The following JAK2 variants were observed in gnomAD, a reference collection of about 807,000 sequenced individuals.
JAK2 encodes Janus kinase 2.
A neutral mutation model predicts 139.3 loss-of-function variants in JAK2; 86 were observed. That is an observed-to-expected ratio of 0.62 (90% CI 0.52 to 0.74). The LOEUF (loss-of-function observed/expected upper bound fraction) is 0.74. JAK2 is among the 30% of genes least tolerant of loss of function. The pLI is 0.00. For synonymous variants in JAK2, 490 were observed against 437.7 expected, an observed-to-expected ratio of 1.12 and a Z score of -1.49; for missense variants, 1,421 against 1,360.3, an observed-to-expected ratio of 1.04 and a Z score of -0.70.
intron 22 of JAK2, among the ~76,000 whole-genome samples, chr9:5,093,057 GTCTAA>G (rs538397807): frequency 4.6e-5 from 7 of 152,030 alleles, no homozygotes; most frequent in Non-Finnish European, 1.0e-4. Context: ...CATTACACTG[GTCTAA>G]TCTATTATTT....
intron 22 of JAK2, chr9:5,111,850 A>C (rs1290904702): frequency 5.0e-6 from 2 of 399,704 alleles, no homozygotes; most frequent in Non-Finnish European, 9.8e-6. Context: ...CGGGGCCGAC[A>C]ACCTCCTGGG....
At position 5,123,020 on chromosome 9, in the gene JAK2, C is replaced by T; in HGVS notation, c.3076C>T (p.Leu1026=). Residue 1026 remains leucine, a synonymous_variant, in exon 23 of 25, where the codon CTG becomes TTG. Transcript: ENST00000381652. ...TATTTACAGGTATGCTCCAGAATCACTGACAGAGAGCAAGTTTTCTGTGGC... is the reference window on the plus strand; with the variant it reads ...TATTTACAGGTATGCTCCAGAATCATTGACAGAGAGCAAGTTTTCTGTGGC... ...SPIFWYAPES[L]TESKFSVASD... 6.2e-7 allele frequency: 1 copy of T among 1,610,360 alleles called. No individual in the cohort carries two copies.
At chr9:5,007,218 C>T (rs1201850331) in intron 2 of JAK2, among the ~76,000 whole-genome samples, 1 of 152,030 alleles carries the variant, frequency 6.6e-6, no homozygotes, top group Non-Finnish European at 1.5e-5. Flanking sequence ...TTCAGCCTTT[C>T]TTCTCGTCTT....
At position 5,055,716 on chromosome 9, in the gene JAK2, T is replaced by G; in HGVS notation, c.984T>G (p.Ile328Met). The change falls in exon 8 of 25, where the codon ATT (isoleucine) becomes ATG (methionine). Residue 328 changes from isoleucine to methionine, a missense_variant. Transcript: ENST00000381652. ...TTCCTAATATTATTGATGTCAGTAT[T>G]AAGCAAGCAAACCAAGAGGGTTCAA... is the stretch of plus-strand genomic sequence containing the variant. ...CDFPNIIDVSIKQANQEGSNE... is the reference protein window; with the variant it reads ...CDFPNIIDVSMKQANQEGSNE... 1.9e-6 allele frequency: 3 copies of G among 1,599,268 alleles called. No homozygotes were observed. The highest frequency in any genetic ancestry group is 2.6e-6 in the Non-Finnish European group (3 of 1,167,254).
At chr9:5,076,628 C>A (rs1819326029) in intron 14 of JAK2, among the ~76,000 whole-genome samples, 1 of 152,054 alleles carries the variant, frequency 6.6e-6, no homozygotes, top group African/African-American at 2.4e-5. Context: ...TCATGACTTG[C>A]TTTATTATGG....
At chr9:5,095,018 A>T (rs1382132779) in intron 22 of JAK2, 1 of 151,976 alleles carries the variant, frequency 6.6e-6, no homozygotes, top group African/African-American at 2.4e-5. Context: ...CCCCAAACAT[A>T]GGAAATATGT....
At chr9:5,031,529 T>C (rs1390395294) in intron 4 of JAK2, among the ~76,000 whole-genome samples, 1 of 152,130 alleles carries the variant, frequency 6.6e-6, no homozygotes, top group Non-Finnish European at 1.5e-5. Context: ...AATAAAATTT[T>C]AGCTTCTTAC....
intron 22 of JAK2, among the ~76,000 whole-genome samples, chr9:5,120,971 G>C (rs1444597027): frequency 2.6e-5 from 4 of 152,110 alleles, no homozygotes; most frequent in Admixed American, 2.6e-4. Context: ...ACTAAACAAA[G>C]GTCAAAGATA....
intron 22 of JAK2, chr9:5,114,224 G>C (rs962469386): frequency 5.8e-6 from 3 of 518,776 alleles, no homozygotes; most frequent in Admixed American, 2.3e-5. Context: ...CCTTCTACCT[G>C]TTCATCCGCA....
chr9:5,101,838 A>G (rs562899091), intron 22 of JAK2, among the ~76,000 whole-genome samples: 27 of 152,350 alleles, frequency 1.8e-4, no homozygotes, highest in African/African-American at 6.3e-4. Context: ...ACTAACAAAC[A>G]GAAAGGAATA....
intron 10 of JAK2, among the ~76,000 whole-genome samples, chr9:5,068,655 G>GCA (rs1312055453): frequency 6.6e-6 from 1 of 152,198 alleles, no homozygotes. Context: ...GTTGGCAGTG[G>GCA]CAGGAGCTGA....
intron 22 of JAK2, among the ~76,000 whole-genome samples, chr9:5,103,330 T>C (rs918930838): frequency 1.3e-4 from 18 of 138,226 alleles, no homozygotes; most frequent in South Asian, 1.1e-3. Context: ...AAAAAGGCCA[T>C]TACATAATGG....
intron 19 of JAK2, chr9:5,085,372 T>C: frequency 1.1e-6 from 1 of 902,428 alleles, no homozygotes; most frequent in Non-Finnish European, 1.9e-6. Context: ...GGTGATCTCA[T>C]GCACCACTGG....
In JAK2 at chr9:5,114,367, C is replaced by T. The variant is rs1337870695; in HGVS notation, c.3060-8637C>T. ...AGGCAAGAGAAGCAGTGCAATGGCA[C>T]GTTCACCATCACGTCCACCCTGCTG... is the stretch of plus-strand genomic sequence containing the variant. On this transcript the variant is annotated intron_variant, in intron 22 of 24. Transcript: ENST00000381652. 8 of 530,038 alleles carry T rather than the reference C, an allele frequency of 1.5e-5. No homozygotes were observed. The East Asian group carries it at 2.7e-4, about 18-fold the overall frequency. 32.8% of individuals were successfully genotyped at this position (530,038 alleles called of 1,614,324 possible). A position where few individuals can be genotyped will look rare whatever the true frequency, so the allele number is the denominator to read the frequency against.
Position 5,069,966 on chromosome 9 carries a change from G to C in JAK2, c.1555G>C (p.Asp519His). ...AGTCTTCAGAACGAATGGTGTTTCT[G>C]ATGTACCAACCTCACCAACATTACA... Reference protein sequence around the residue: ...LLVFRTNGVSDVPTSPTLQRP... With the variant: ...LLVFRTNGVSHVPTSPTLQRP... Residue 519 changes from aspartate to histidine, a missense_variant, in exon 12 of 25, where the codon GAT becomes CAT. Transcript: ENST00000381652. 1 of 1,606,782 alleles carries C rather than the reference G, an allele frequency of 6.2e-7. No homozygotes were observed. The highest frequency in any genetic ancestry group is 2.2e-5 in the East Asian group (1 of 44,596).
In JAK2 at chr9:5,066,666, CT is replaced by C; in HGVS notation, c.1215-9del. The C allele has an allele frequency of 1.4e-6, 2 of 1,460,790 alleles. No homozygotes were observed. The highest frequency in any genetic ancestry group is 1.9e-6 in the Non-Finnish European group (2 of 1,041,344). 90.5% of individuals were successfully genotyped at this position (1,460,790 alleles called of 1,614,324 possible). A position where few individuals can be genotyped will look rare whatever the true frequency, so the allele number is the denominator to read the frequency against. On this transcript the variant is annotated splice_polypyrimidine_tract_variant and intron_variant, in intron 9 of 24. Transcript: ENST00000381652. ...TGATATATTATTCAAATTGCTTCTTCTTTACCTTTAGGATGGATTTTGCCAT... is the reference window on the plus strand; with the variant it reads ...TGATATATTATTCAAATTGCTTCTTCTTACCTTTAGGATGGATTTTGCCAT...
chr9:5,124,293 T>G (rs1311568423), intron 23 of JAK2, among the ~76,000 whole-genome samples: 4 of 151,750 alleles, frequency 2.6e-5, no homozygotes, highest in African/African-American at 9.7e-5. Flanking sequence ...TTACACTCAT[T>G]TCCATTAAAG....
intron 22 of JAK2, among the ~76,000 whole-genome samples, chr9:5,092,818 ATAGAATCT>A (rs1254858009): frequency 2.0e-5 from 3 of 152,288 alleles, no homozygotes; most frequent in East Asian, 3.9e-4. Context: ...GTTGTCCAAG[ATAGAATCT>A]TAGTTCAGCT....
At chr9:5,074,651 CCT>C (rs1411650558) in intron 14 of JAK2, among the ~76,000 whole-genome samples, 4 of 152,174 alleles carry the variant, frequency 2.6e-5, no homozygotes, top group African/African-American at 4.8e-5. Context: ...CTCCCTATTC[CCT>C]GAGACAACAA....
Sources: allele counts gnomAD v4.1 joint callset (sites outside exome capture counted in the v4.1 genomes callset), GRCh38; gene constraint gnomAD v4.1.1; transcripts MANE v1.5; gene names NCBI Gene and HGNC (gene_info 2026-07-23, HGNC 2026-07-21).